DNAJC11: variants seen among roughly 807,000 people sequenced by gnomAD.
The protein encoded by DNAJC11 is dnaJ homolog subfamily C member 11.
In DNAJC11, 15 loss-of-function variants were observed where a neutral mutation model predicts 78.6. The observed-to-expected ratio is 0.19, with a 90% CI of 0.13 to 0.29. DNAJC11 has a LOEUF of 0.29. Among genes scored for constraint, DNAJC11 ranks in the 10% least tolerant of loss-of-function variants. The pLI, the probability that DNAJC11 is intolerant of heterozygous loss-of-function variation, is 1.00. For missense variants in DNAJC11, 547 were observed against 709.6 expected, an observed-to-expected ratio of 0.77 and a Z score of 2.60; for synonymous variants, 292 against 272.1, an observed-to-expected ratio of 1.07 and a Z score of -0.72.
Position 6,634,616 on chromosome 1 carries a change from T to G in DNAJC11, c.*1059A>C, listed in dbSNP as rs1182868684. Reference sequence around the variant, plus strand: ...CAGGCCCCGAGAGACAGGCCTCACGTAACTTTACTGCAGCCGAGGTCCAGG... The same window carrying G: ...CAGGCCCCGAGAGACAGGCCTCACGGAACTTTACTGCAGCCGAGGTCCAGG... On this transcript the variant is annotated 3_prime_UTR_variant, in exon 16 of 16. Coordinates refer to ENST00000377577, the MANE Select transcript of DNAJC11 (RefSeq NM_018198.4). 4 of 1,366,310 alleles carry G rather than the reference T, an allele frequency of 2.9e-6. No homozygotes were observed. Among genetic ancestry groups the G allele is most frequent in the Non-Finnish European group, 3.9e-6 (4 of 1,021,842 alleles). The allele number at this position is 1,366,310 out of a possible 1,614,324, so 84.6% of individuals were successfully genotyped here. A position where few individuals can be genotyped will look rare whatever the true frequency, so the allele number is the denominator to read the frequency against.
At chr1:6,647,288 G>C (rs1412756352) in intron 7 of DNAJC11, among the ~76,000 whole-genome samples, 1 of 151,702 alleles carries the variant, frequency 6.6e-6, no homozygotes, top group Non-Finnish European at 1.5e-5. Context: ...TCACCATGTT[G>C]GCCAGACTGG....
rs1641847582 is a variant in DNAJC11 at position 6,639,899 on chromosome 1, C to T, written c.1253+3G>A. ...GTGACATGCCCATGACGTGTCAACT[C>T]ACTTCTCTTTCTGAGCCCTGAGGTA... On this transcript the variant is annotated splice_donor_region_variant and intron_variant, in intron 11 of 15. Coordinates refer to ENST00000377577, the MANE Select transcript of DNAJC11 (RefSeq NM_018198.4). The T allele has an allele frequency of 1.2e-6, 2 of 1,612,466 alleles. No homozygotes were observed. The highest frequency in any genetic ancestry group is 1.7e-6 in the Non-Finnish European group (2 of 1,179,450).
intron 7 of DNAJC11, 139 bp from the exon 8 acceptor site, chr1:6,646,117 C>A (rs1361280797): frequency 1.3e-6 from 1 of 792,544 alleles, no homozygotes; most frequent in Non-Finnish European, 2.0e-6. Flanking sequence ...AAAAAAAAAG[C>A]AGGAGGTCAG....
At chr1:6,642,080 A>G (rs1361392489) in intron 10 of DNAJC11, among the ~76,000 whole-genome samples, 1 of 152,198 alleles carries the variant, frequency 6.6e-6, no homozygotes, top group African/African-American at 2.4e-5. Context: ...GAGAAATAGC[A>G]AAGGCCACCT....
At chr1:6,692,968 C>A (rs540808178) in intron 1 of DNAJC11, among the ~76,000 whole-genome samples, 17 of 151,764 alleles carry the variant, frequency 1.1e-4, no homozygotes, top group African/African-American at 4.1e-4. Context: ...TCCAGTGGCA[C>A]AATCTTGGCT....
chr1:6,635,783 C>T (rs924330542), intron 15 of DNAJC11, 83 bp from the exon 16 acceptor site: 33 of 1,530,950 alleles, frequency 2.2e-5, no homozygotes, highest in Middle Eastern at 1.7e-4. Flanking sequence ...AGCAGTCACC[C>T]GGACCAGCAG....
chr1:6,678,199 C>G (rs963423713), intron 3 of DNAJC11, among the ~76,000 whole-genome samples, 195 bp downstream of exon 3: 1 of 152,164 alleles, frequency 6.6e-6, no homozygotes, highest in African/African-American at 2.4e-5. Flanking sequence ...GAGTGGCTGG[C>G]CCAAGTTCAG....
chr1:6,674,592 G>A (rs1394554544), intron 3 of DNAJC11, among the ~76,000 whole-genome samples: 1 of 151,960 alleles, frequency 6.6e-6, no homozygotes, highest in Non-Finnish European at 1.5e-5. Context: ...AGCAGGGCGT[G>A]GTGATGCATG....
intron 7 of DNAJC11, among the ~76,000 whole-genome samples, chr1:6,650,087 C>A (rs1642030960): frequency 6.6e-6 from 1 of 151,250 alleles, no homozygotes; most frequent in African/African-American, 2.4e-5. Flanking sequence ...AGTTAAGAGA[C>A]CAGCCTGGCC....
Position 6,653,031 on chromosome 1 carries a change from G to A in DNAJC11, c.508-80C>T. On this transcript the variant is annotated intron_variant, in intron 5 of 15. Coordinates refer to ENST00000377577, the MANE Select transcript of DNAJC11 (RefSeq NM_018198.4). The surrounding 1 kb of genome is among the most constrained non-coding windows in gnomAD (Gnocchi z 4.5). ...GGCAGCAGCCTAAAGAACGCACTGTGAGCCCAAGGCCAAAGGTGCAGACGA... is the reference window on the plus strand; with the variant it reads ...GGCAGCAGCCTAAAGAACGCACTGTAAGCCCAAGGCCAAAGGTGCAGACGA... 6.4e-7 allele frequency: 1 copy of A among 1,567,996 alleles called. No homozygotes were observed.
rs1291691341 is a variant in DNAJC11 at position 6,653,533 on chromosome 1, A to G, written c.507+378T>C. Among the ~76,000 whole-genome samples, 1 of 152,250 alleles carries G rather than the reference A, an allele frequency of 6.6e-6. No individual in the cohort carries two copies. The highest frequency in any genetic ancestry group is 1.9e-4 in the East Asian group (1 of 5,202). On this transcript the variant is annotated intron_variant, in intron 5 of 15. Transcript: ENST00000377577. This position sits in a 1 kb window ranked among gnomAD's most constrained non-coding sequence, Gnocchi z 4.5. Reference sequence around the variant, plus strand: ...CCCAGGGCTCAGGATGAGAGCTGCTATAGCCTTGCGGCACCTAGCAGAATT... The same window carrying G: ...CCCAGGGCTCAGGATGAGAGCTGCTGTAGCCTTGCGGCACCTAGCAGAATT...
rs763706391 is a variant in DNAJC11 at position 6,645,753 on chromosome 1, GCT to G, written c.894+34_894+35del. 1.4e-5 allele frequency: 22 copies of G among 1,607,384 alleles called. No homozygotes were observed. The Middle Eastern group carries it at 1.3e-3, about 97-fold the overall frequency. ...GCTTGGGAGGAGGGGTCCTCCCAGA[GCT>G]CTGTCTGCAGGAGATGATGGCTGCT... On this transcript the variant is annotated intron_variant, in intron 8 of 15. Transcript: ENST00000377577. This position sits in a 1 kb window ranked among gnomAD's most constrained non-coding sequence, Gnocchi z 4.1.
intron 14 of DNAJC11, among the ~76,000 whole-genome samples, chr1:6,636,526 G>A (rs1641771839): frequency 1.3e-5 from 2 of 152,134 alleles, no homozygotes; most frequent in African/African-American, 4.8e-5. Context: ...CTTCTGTATG[G>A]TCCATGCCCC....
chr1:6,691,617 T>C (rs936648918), intron 1 of DNAJC11, among the ~76,000 whole-genome samples: 18 of 152,184 alleles, frequency 1.2e-4, no homozygotes. Flanking sequence ...GCAGACTTCT[T>C]GTGGTTGATC....
chr1:6,663,435 C>T (rs1296628778), intron 4 of DNAJC11, among the ~76,000 whole-genome samples: 4 of 151,892 alleles, frequency 2.6e-5, no homozygotes, highest in African/African-American at 9.7e-5. Context: ...CTGCCCTCCA[C>T]AGAGGGAGAA....
intron 1 of DNAJC11, among the ~76,000 whole-genome samples, chr1:6,696,401 T>C (rs1425210175): frequency 6.6e-6 from 1 of 152,242 alleles, no homozygotes; most frequent in Non-Finnish European, 1.5e-5. Flanking sequence ...GCTGAGTCAG[T>C]GGTCCTGATT....
intron 2 of DNAJC11, among the ~76,000 whole-genome samples, chr1:6,679,423 C>T (rs527846931): frequency 7.2e-5 from 11 of 152,138 alleles, no homozygotes; most frequent in East Asian, 1.9e-4. Flanking sequence ...AACGATATCC[C>T]AACTGAACGA....
intron 4 of DNAJC11, among the ~76,000 whole-genome samples, chr1:6,667,387 G>T (rs1415077076): frequency 6.6e-6 from 1 of 152,134 alleles, no homozygotes; most frequent in Admixed American, 6.6e-5. Context: ...GGGCAGCACA[G>T]TTGGAGGAAA....
In DNAJC11 at chr1:6,635,495, C is replaced by T. The variant is rs1303084527; in HGVS notation, c.*180G>A. ...CCAGTGGGGCTGCCTCAGTCCTACC[C>T]CCAGCACCCTCAAAAGCTGGGGTGT... On this transcript the variant is annotated 3_prime_UTR_variant, in exon 16 of 16. Transcript: ENST00000377577. 4 of 672,782 alleles carry T rather than the reference C, an allele frequency of 5.9e-6. No homozygotes were observed. Among genetic ancestry groups the T allele is most frequent in the African/African-American group, 3.6e-5 (2 of 54,902 alleles). 41.7% of individuals were successfully genotyped at this position (672,782 alleles called of 1,614,324 possible). A position where few individuals can be genotyped will look rare whatever the true frequency, so the allele number is the denominator to read the frequency against.
Sources: allele counts gnomAD v4.1 joint callset (sites outside exome capture counted in the v4.1 genomes callset), GRCh38; gene constraint gnomAD v4.1.1; non-coding constraint Gnocchi (gnomAD v3.1); transcripts MANE v1.5; gene names NCBI Gene and HGNC (gene_info 2026-07-23, HGNC 2026-07-21).